Variants in MEAK7 observed in about 807,000 individuals in gnomAD.
MEAK7 encodes MTOR associated protein MEAK7, also known as MTOR-associated protein MEAK7.
MEAK7 carries 68 observed loss-of-function variants against 40.5 expected under a neutral mutation model. That is an observed-to-expected ratio of 1.68 (90% CI 1.38 to 2.06). The LOEUF is 2.06. Ranked by LOEUF, MEAK7 falls within the 30% of genes most tolerant of loss-of-function variation. The pLI is 0.00. For synonymous variants in MEAK7, 338 were observed against 231.9 expected, an observed-to-expected ratio of 1.46 and a Z score of -4.16; for missense variants, 918 against 580.5, an observed-to-expected ratio of 1.58 and a Z score of -5.98.
intron 1 of MEAK7, among the ~76,000 whole-genome samples, chr16:84,500,601 G>A (rs1346602747): frequency 6.6e-6 from 1 of 152,168 alleles, no homozygotes; most frequent in South Asian, 2.1e-4. Context: ...GGCTGGAAAC[G>A]AGGGCTTACC....
At chr16:84,483,027 G>C (rs1443304362) in intron 5 of MEAK7, among the ~76,000 whole-genome samples, 1 of 152,236 alleles carries the variant, frequency 6.6e-6, no homozygotes, top group Non-Finnish European at 1.5e-5. Flanking sequence ...GCCAGAAAGA[G>C]CAGGCTTCCT....
At chr16:84,497,868 C>A in intron 2 of MEAK7, 66 bp downstream of exon 2, 3 of 1,601,532 alleles carry the variant, frequency 1.9e-6, no homozygotes, top group South Asian at 1.1e-5. Context: ...CAGATTCTGG[C>A]CTGAAAGCCA....
chr16:84,488,088 T>C (rs1239801409), intron 4 of MEAK7: 1 of 152,086 alleles, frequency 6.6e-6, no homozygotes, highest in African/African-American at 2.4e-5. Flanking sequence ...CTATTTATTT[T>C]TCAAACAGTT....
rs1912208992 is a variant in MEAK7 at position 84,478,228 on chromosome 16, T to C, written c.*1685A>G. On this transcript the variant is annotated 3_prime_UTR_variant, in exon 8 of 8. Transcript: ENST00000343629. ...AACATGTCAGGTAGGAAGCTCACAA[T>C]GTTCCCCATAAGCCATTACAAACTG... 6.6e-6 allele frequency: 1 copy of C among 152,192 alleles called. No homozygotes were observed. The highest frequency in any genetic ancestry group is 2.1e-4 in the South Asian group (1 of 4,832). 9.4% of individuals were successfully genotyped at this position (152,192 alleles called of 1,614,324 possible).
At chr16:84,491,270 T>A (rs1166821138) in intron 3 of MEAK7, among the ~76,000 whole-genome samples, 1 of 151,768 alleles carries the variant, frequency 6.6e-6, no homozygotes, top group East Asian at 1.9e-4. Flanking sequence ...TGAAACTGTA[T>A]CTCTAAAAAT....
intron 5 of MEAK7, among the ~76,000 whole-genome samples, chr16:84,485,629 ACTAT>A (rs150947283): frequency 1.9e-4 from 28 of 144,482 alleles, no homozygotes; most frequent in East Asian, 1.2e-3. Flanking sequence ...CATTTCAAAA[ACTAT>A]CTATCTATCC....
At chr16:84,503,022 C>T (rs1914626675) in intron 1 of MEAK7, among the ~76,000 whole-genome samples, 2 of 152,184 alleles carry the variant, frequency 1.3e-5, no homozygotes, top group South Asian at 4.1e-4. Context: ...AAAAAACCCA[C>T]AAAACCACTC....
intron 7 of MEAK7, among the ~76,000 whole-genome samples, 185 bp downstream of exon 7, chr16:84,480,344 C>A (rs1344788823): frequency 6.6e-6 from 1 of 152,168 alleles, no homozygotes; most frequent in Non-Finnish European, 1.5e-5. Context: ...ACTAAACCAC[C>A]CACAAATCCC....
chr16:84,503,328 C>G (rs986411526), intron 1 of MEAK7, among the ~76,000 whole-genome samples: 2 of 152,184 alleles, frequency 1.3e-5, no homozygotes, highest in Non-Finnish European at 2.9e-5. Context: ...GTCTGATCAC[C>G]CTGGCCTGCC....
At chr16:84,487,737 A>C (rs937626423) in intron 4 of MEAK7, 1 of 152,328 alleles carries the variant, frequency 6.6e-6, no homozygotes, top group Non-Finnish European at 1.5e-5. Flanking sequence ...AGGTGACAGT[A>C]AGAGCGTGGG....
rs74378981 is a variant in MEAK7, at chr16:84,482,067, G to A, written c.1077+525C>T. ...CCTGCCCTCGGGCCTGCCTGGACCC[G>A]TGCCCACCCACTCCCTGCACCCGGC... On this transcript the variant is annotated intron_variant, in intron 6 of 7. Coordinates refer to ENST00000343629, the MANE Select transcript of MEAK7 (RefSeq NM_020947.4). 4.9e-3 allele frequency among the ~76,000 whole-genome samples: 747 copies of A among 152,282 alleles called. 10 individuals carry two copies. The highest frequency in any genetic ancestry group is 0.017 in the African/African-American group (704 of 41,546).
At position 84,491,822 on chromosome 16, in the gene MEAK7, G is replaced by A. The variant is rs543449860; in HGVS notation, c.385-2400C>T. Among the ~76,000 whole-genome samples the A allele has an allele frequency of 1.7e-4, 25 of 145,166 alleles. No individual in the cohort carries two copies. In the East Asian group the frequency reaches 2.0e-3, roughly 12 times the overall value. On this transcript the variant is annotated intron_variant, in intron 3 of 7. Transcript: ENST00000343629. Reference sequence around the variant, plus strand: ...ACTGCACTCCAGCCTCGGTGAAGGCGCAAGACTCCGTCTCAAAAAAAAAAA... The same window carrying A: ...ACTGCACTCCAGCCTCGGTGAAGGCACAAGACTCCGTCTCAAAAAAAAAAA...
At chr16:84,495,972 A>T in intron 2 of MEAK7, 59 bp from the exon 3 acceptor site, 1 of 1,573,580 alleles carries the variant, frequency 6.4e-7, no homozygotes, top group Non-Finnish European at 8.7e-7. Context: ...CTTGGTTACT[A>T]GGAGTTATTA....
chr16:84,496,044 G>C, intron 2 of MEAK7, 131 bp from the exon 3 acceptor site: 1 of 910,590 alleles, frequency 1.1e-6, no homozygotes, highest in South Asian at 1.7e-5. Flanking sequence ...AAGCATCTCT[G>C]AAAAAGTTTC....
chr16:84,503,910 A>C (rs1327505629), intron 1 of MEAK7: 3 of 983,120 alleles, frequency 3.1e-6, no homozygotes, highest in East Asian at 2.3e-4. Context: ...CCAACTCTCT[A>C]CTCCAAGGGC....
chr16:84,486,298 A>C, intron 5 of MEAK7: 2 of 368,544 alleles, frequency 5.4e-6, no homozygotes, highest in Non-Finnish European at 8.3e-6. Flanking sequence ...GGCCCAGGGA[A>C]GGAAAATGTC....
At position 84,487,078 on chromosome 16, in the gene MEAK7, C is replaced by A; in HGVS notation, c.530-19G>T. On this transcript the variant is annotated intron_variant, in intron 4 of 7. Transcript: ENST00000343629. ...TTGCCATCTAGGGGAAGGGGATGGT[C>A]AGCATTAGTGGGGCTGTTATGTCAC... The A allele has an allele frequency of 6.3e-7, 1 of 1,598,766 alleles. No individual in the cohort carries two copies. The highest frequency in any genetic ancestry group is 8.5e-7 in the Non-Finnish European group (1 of 1,172,874).
chr16:84,480,102 G>C (rs1177385107), intron 7 of MEAK7, 76 bp from the exon 8 acceptor site: 15 of 1,207,294 alleles, frequency 1.2e-5, no homozygotes, highest in Non-Finnish European at 1.5e-5. Context: ...TAGTTTTCCA[G>C]CCTTCTTGGG....
At chr16:84,493,340 AT>A (rs1361176420) in intron 3 of MEAK7, among the ~76,000 whole-genome samples, 1 of 152,210 alleles carries the variant, frequency 6.6e-6, no homozygotes, top group Non-Finnish European at 1.5e-5. Context: ...GTACTCTTAA[AT>A]ATCGGTTCCG....
Sources: gnomAD v4.1 joint callset for allele counts (sites outside exome capture counted in the v4.1 genomes callset) on GRCh38, gnomAD v4.1.1 for gene constraint, MANE v1.5 for transcripts, NCBI Gene and HGNC (gene_info 2026-07-23, HGNC 2026-07-21) for gene names.